Variants in ZNF341 observed in about 807,000 individuals in gnomAD.
ZNF341 encodes the protein zinc finger protein 341.
ZNF341 carries 52 observed loss-of-function variants against 87.7 expected under a neutral mutation model. That is an observed-to-expected ratio of 0.59 (90% CI 0.47 to 0.75). The LOEUF is 0.75. Among genes scored for constraint, ZNF341 ranks in the 30% least tolerant of loss-of-function variants. ZNF341 has a pLI of 0.00. For missense variants in ZNF341, 977 were observed against 1,145.9 expected (o/e 0.85, Z 2.13); for synonymous variants, 459 against 472.7 (o/e 0.97, Z 0.38).
At chr20:33,766,282 C>T (rs535838790) in intron 8 of ZNF341, among the ~76,000 whole-genome samples, 82 of 152,014 alleles carry the variant, frequency 5.4e-4, no homozygotes, top group Non-Finnish European at 1.0e-3. Flanking sequence ...GCAGCCTCCG[C>T]CTCCCAGGTT....
chr20:33,748,937 C>T lies in ZNF341; in HGVS notation c.354C>T (p.Ile118=). 1 of 1,613,530 alleles carries T rather than the reference C, an allele frequency of 6.2e-7. No homozygotes were observed. Among genetic ancestry groups the T allele is most frequent in the Non-Finnish European group, 8.5e-7 (1 of 1,179,550 alleles). ...CCACTGTCCAGATCTCCACATACAT[C>T]ACAGTGCCCCCGTCCCCACTGATCC... The part of the protein sequence containing the change: ...TPANRQISTY[I]TVPPSPLIQT... The change falls in exon 4 of 15, where the codon ATC becomes ATT. Residue 118 remains isoleucine, a synonymous_variant. Transcript: ENST00000375200.
At chr20:33,735,581 G>A (rs2018664193) in intron 1 of ZNF341, among the ~76,000 whole-genome samples, 1 of 152,108 alleles carries the variant, frequency 6.6e-6, no homozygotes, top group Non-Finnish European at 1.5e-5. Flanking sequence ...ACTTCCCAAA[G>A]TGTTAGGATT....
chr20:33,770,331 T>TG, intron 10 of ZNF341, 39 bp downstream of exon 10: 1 of 388,328 alleles, frequency 2.6e-6, no homozygotes, highest in Non-Finnish European at 5.3e-6. Flanking sequence ...GGTGGACGGG[T>TG]GGGTGGGCAG....
chr20:33,733,194 G>A (rs2018612094), intron 1 of ZNF341, among the ~76,000 whole-genome samples: 1 of 147,340 alleles, frequency 6.8e-6, no homozygotes, highest in Non-Finnish European at 1.5e-5. Flanking sequence ...CTATAGGCGT[G>A]CACCACCACA....
At chr20:33,763,851 C>T (rs938599066) in intron 8 of ZNF341, among the ~76,000 whole-genome samples, 1 of 151,876 alleles carries the variant, frequency 6.6e-6, no homozygotes, top group African/African-American at 2.4e-5. Flanking sequence ...TTTAGAGCAG[C>T]GCTGCCCAAC....
chr20:33,765,999 C>T (rs1601264085), intron 8 of ZNF341, among the ~76,000 whole-genome samples: 1 of 152,318 alleles, frequency 6.6e-6, no homozygotes, highest in East Asian at 1.9e-4. Flanking sequence ...TCTCCTGCCT[C>T]AGCCTCCCAA....
In ZNF341 at chr20:33,783,289, C is replaced by T. The variant is rs563933476; in HGVS notation, c.1720-443C>T. On this transcript the variant is annotated intron_variant, in intron 11 of 14. Transcript: ENST00000375200. ...GGCTCTGTGCTGGGGAGTGAAAGCC[C>T]CTCTCTGCCTACTTGGAGCTCCTGT... Among the ~76,000 whole-genome samples, 17 of 152,112 alleles carry T rather than the reference C, an allele frequency of 1.1e-4. No homozygotes were observed. In the South Asian group the frequency reaches 3.3e-3, roughly 30 times the overall value.
chr20:33,778,660 G>C (rs1438379297), intron 10 of ZNF341, among the ~76,000 whole-genome samples: 5 of 152,194 alleles, frequency 3.3e-5, no homozygotes, highest in African/African-American at 9.7e-5. Context: ...TCAGAGTGCG[G>C]TCTATGGGGC....
At chr20:33,736,778 A>C (rs1314713879) in intron 1 of ZNF341, among the ~76,000 whole-genome samples, 1 of 152,206 alleles carries the variant, frequency 6.6e-6, no homozygotes, top group East Asian at 1.9e-4. Flanking sequence ...TAAAACACTC[A>C]CAATTTTGCA....
intron 4 of ZNF341, chr20:33,752,304 G>C (rs572149636): frequency 3.3e-6 from 2 of 607,632 alleles, no homozygotes; most frequent in Admixed American, 3.8e-5. Context: ...ATGCAGTATG[G>C]GACATTCTTT....
chr20:33,768,203 A>G, intron 9 of ZNF341, among the ~76,000 whole-genome samples: 1 of 151,766 alleles, frequency 6.6e-6, no homozygotes. Flanking sequence ...GCTTACTGCA[A>G]CCTCCACCTC....
chr20:33,765,750 A>G (rs2019391267), intron 8 of ZNF341, among the ~76,000 whole-genome samples: 1 of 152,188 alleles, frequency 6.6e-6, no homozygotes, highest in Admixed American at 6.5e-5. Flanking sequence ...TTAACCATTT[A>G]GCAAACATTT....
intron 4 of ZNF341, chr20:33,752,584 T>A: frequency 1.2e-5 from 4 of 346,658 alleles, no homozygotes; most frequent in South Asian, 1.1e-4. Flanking sequence ...CTTCTTAAGA[T>A]AGCAACATTA....
chr20:33,761,842 G>A lies in ZNF341; in HGVS notation c.1029-20G>A, dbSNP rs750500006. 6 of 1,472,040 alleles carry A rather than the reference G, an allele frequency of 4.1e-6. No homozygotes were observed. Among genetic ancestry groups the A allele is most frequent in the Non-Finnish European group, 5.5e-6 (6 of 1,091,110 alleles). 91.2% of individuals were successfully genotyped at this position (1,472,040 alleles called of 1,614,324 possible). ...GTCCCCGTTCCTGCAGGAGGGCACT[G>A]ACAAGCTTGTCTTCCACAGCCACAC... On this transcript the variant is annotated intron_variant, in intron 7 of 14. Transcript: ENST00000375200.
In ZNF341 at chr20:33,745,306, G is replaced by T. The variant is rs780294695; in HGVS notation, c.339+7G>T. On this transcript the variant is annotated splice_region_variant and intron_variant, in intron 3 of 14. Coordinates refer to ENST00000375200, the MANE Select transcript of ZNF341 (RefSeq NM_001282933.2). ...AACTCCTGCCAATCGCCAGGTATTT[G>T]TTCATTTATTCATTCAACATGTCTT... The T allele has an allele frequency of 2.5e-6, 4 of 1,609,554 alleles. No homozygotes were observed. In the Admixed American group the frequency reaches 5.0e-5, roughly 20 times the overall value.
At chr20:33,768,787 A>G (rs2019463952) in intron 9 of ZNF341, among the ~76,000 whole-genome samples, 1 of 147,402 alleles carries the variant, frequency 6.8e-6, no homozygotes, top group Non-Finnish European at 1.5e-5. Flanking sequence ...TTTTTTAGGT[A>G]GAAGGAGTGC....
At chr20:33,736,208 C>T (rs1335415941) in intron 1 of ZNF341, among the ~76,000 whole-genome samples, 1 of 150,592 alleles carries the variant, frequency 6.6e-6, no homozygotes, top group African/African-American at 2.4e-5. Context: ...TCCTCTACTA[C>T]CTTCTGGCCC....
chr20:33,749,011 C>G lies in ZNF341; in HGVS notation c.428C>G (p.Ser143Cys). The change falls in exon 4 of 15, where the codon TCT becomes TGT. Residue 143 changes from serine (S) to cysteine (C), a missense_variant. By Grantham distance (112) the Ser-to-Cys change is moderately radical (BLOSUM62 -1). Around this residue, in one of 3 missense-constraint regions of ZNF341, gnomAD observed 515 missense variants for 598.2 expected, o/e 0.86. Coordinates refer to ENST00000375200, the MANE Select transcript of ZNF341 (RefSeq NM_001282933.2). ...NILVSDDVLMSAMSAFTSLDQ... is the reference protein window; with the variant it reads ...NILVSDDVLMCAMSAFTSLDQ... ...TTGGTGAGCGATGATGTGCTCATGT[C>G]TGCCATGTCAGCCTTCACATCCCTG... 1 of 1,614,212 alleles carries G rather than the reference C, an allele frequency of 6.2e-7. No individual in the cohort carries two copies. Among genetic ancestry groups the G allele is most frequent in the Non-Finnish European group, 8.5e-7 (1 of 1,180,026 alleles).
intron 1 of ZNF341, among the ~76,000 whole-genome samples, chr20:33,738,993 C>T (rs1413052902): frequency 3.3e-5 from 5 of 152,072 alleles, no homozygotes; most frequent in East Asian, 1.9e-4. Context: ...ATTTTTGAGA[C>T]GGAGTCTCAC....
Sources: allele counts gnomAD v4.1 joint callset (sites outside exome capture counted in the v4.1 genomes callset), GRCh38; gene constraint gnomAD v4.1.1; regional missense constraint gnomAD v4.1.1; transcripts MANE v1.5; gene names NCBI Gene and HGNC (gene_info 2026-07-23, HGNC 2026-07-21).